Variants in PARD3B observed in about 807,000 individuals in gnomAD.
PARD3B encodes partitioning defective 3 homolog B.
Under a neutral mutation model 130.2 loss-of-function variants are expected in PARD3B, and 103 were observed. The ratio of observed to expected loss-of-function variants is 0.79; its 90% CI spans 0.67 to 0.93. PARD3B has a LOEUF of 0.93. Ranked by LOEUF, PARD3B falls within the 40% of genes least tolerant of loss-of-function variation. The pLI, the probability that PARD3B is intolerant of heterozygous loss-of-function variation, is 0.00. For missense variants in PARD3B, 1,609 were observed against 1,499.2 expected (o/e 1.07, Z -1.21); for synonymous variants, 583 against 553.2 (o/e 1.05, Z -0.76).
intron 18 of PARD3B, among the ~76,000 whole-genome samples, chr2:205,373,392 T>G (rs1268514680): frequency 6.6e-6 from 1 of 152,168 alleles, no homozygotes; most frequent in African/African-American, 2.4e-5. Context: ...AAGATATGTC[T>G]ATTAGAATTT....
At chr2:205,455,651 ATAGT>A (rs1031354896) in intron 20 of PARD3B, among the ~76,000 whole-genome samples, 174 of 152,032 alleles carry the variant, frequency 1.1e-3, no homozygotes, top group African/African-American at 4.0e-3. Flanking sequence ...ATAGTTATAT[ATAGT>A]TATATAGTTA....
At chr2:204,648,636 T>C (rs1293833318) in intron 1 of PARD3B, among the ~76,000 whole-genome samples, 4 of 118,560 alleles carry the variant, frequency 3.4e-5, no homozygotes, top group Non-Finnish European at 6.6e-5. Context: ...TTATATATAA[T>C]ATATATTATA....
intron 16 of PARD3B, among the ~76,000 whole-genome samples, chr2:205,266,955 C>T (rs751205035): frequency 3.9e-5 from 6 of 151,966 alleles, no homozygotes; most frequent in Non-Finnish European, 7.4e-5. Context: ...TCAACAAAAA[C>T]GATCTCATCC....
intron 18 of PARD3B, among the ~76,000 whole-genome samples, chr2:205,312,789 G>A (rs753743695): frequency 2.0e-5 from 3 of 152,052 alleles, no homozygotes; most frequent in Admixed American, 6.5e-5. Flanking sequence ...TTTTTCATTC[G>A]GGTTGGAAAG....
At chr2:205,435,237 T>C (rs1316145162) in intron 19 of PARD3B, among the ~76,000 whole-genome samples, 1 of 152,078 alleles carries the variant, frequency 6.6e-6, no homozygotes, top group African/African-American at 2.4e-5. Flanking sequence ...TAAATATTTA[T>C]ATGTGTAGTA....
At chr2:205,182,962 G>A (rs144434322) in intron 13 of PARD3B, among the ~76,000 whole-genome samples, 3 of 152,246 alleles carry the variant, frequency 2.0e-5, no homozygotes, top group African/African-American at 7.2e-5. Context: ...ACTAGTCTAG[G>A]GACAAAGAGG....
intron 18 of PARD3B, among the ~76,000 whole-genome samples, chr2:205,305,553 A>G (rs536787511): frequency 6.6e-6 from 1 of 152,350 alleles, no homozygotes; most frequent in Middle Eastern, 3.4e-3. Flanking sequence ...TGAGTTAACC[A>G]TCTTGATGAT....
chr2:205,209,892 A>G (rs999678193), intron 15 of PARD3B, among the ~76,000 whole-genome samples: 47 of 152,116 alleles, frequency 3.1e-4, no homozygotes, highest in African/African-American at 1.1e-3. Context: ...ACATTTTAAA[A>G]TAACTAAAGG....
intron 18 of PARD3B, among the ~76,000 whole-genome samples, chr2:205,332,140 T>A (rs544987691): frequency 6.6e-6 from 1 of 152,206 alleles, no homozygotes; most frequent in Admixed American, 6.5e-5. Context: ...TGTGTTGATA[T>A]CATTGTAATA....
chr2:205,285,013 G>T (rs2041341046), intron 16 of PARD3B, among the ~76,000 whole-genome samples: 1 of 149,992 alleles, frequency 6.7e-6, no homozygotes. Context: ...TTTTTTGTGG[G>T]AGTATTAGCA....
At chr2:204,950,734 G>C (rs181836843) in intron 2 of PARD3B, among the ~76,000 whole-genome samples, 497 of 152,300 alleles carry the variant, frequency 3.3e-3, no homozygotes, top group Non-Finnish European at 5.9e-3. Context: ...TATATTTTCA[G>C]TCAAGAAATA....
At chr2:204,648,585 TATA>T (rs1559028690) in intron 1 of PARD3B, among the ~76,000 whole-genome samples, 2 of 127,028 alleles carry the variant, frequency 1.6e-5, no homozygotes, top group African/African-American at 6.1e-5. Context: ...TATTATATAT[TATA>T]TTATATATAA....
intron 1 of PARD3B, among the ~76,000 whole-genome samples, chr2:204,569,397 T>C (rs2125066299): frequency 6.6e-6 from 1 of 152,344 alleles, no homozygotes; most frequent in Non-Finnish European, 1.5e-5. Flanking sequence ...AAATGTTTAA[T>C]ACTGTATGTA....
At chr2:205,348,568 T>A (rs1282221847) in intron 18 of PARD3B, among the ~76,000 whole-genome samples, 1 of 152,170 alleles carries the variant, frequency 6.6e-6, no homozygotes, top group Non-Finnish European at 1.5e-5. Context: ...GGCAGGTAGG[T>A]GATCAAAGAA....
chr2:205,441,245 T>C (rs1479630723), intron 20 of PARD3B, among the ~76,000 whole-genome samples: 1 of 152,062 alleles, frequency 6.6e-6, no homozygotes, highest in Non-Finnish European at 1.5e-5. Context: ...TAGAGAAAGA[T>C]AAGAGGTGAC....
At chr2:204,886,722 C>G (rs2046283299) in intron 2 of PARD3B, among the ~76,000 whole-genome samples, 1 of 152,194 alleles carries the variant, frequency 6.6e-6, no homozygotes, top group African/African-American at 2.4e-5. Context: ...TCAGTTCTAA[C>G]AGAGCCCCAT....
Position 205,158,739 on chromosome 2 carries a change from C to A in PARD3B, c.1452C>A (p.Cys484Ter). 1.2e-6 allele frequency: 2 copies of A among 1,613,726 alleles called. No homozygotes were observed. The highest frequency in any genetic ancestry group is 8.5e-7 in the Non-Finnish European group (1 of 1,179,806). ...CCTAACAGAAAGGAGAACCTGACTG[C>A]TGTGCACTCTCTCTGGAGACAAGCG... ...LPRELKGEPDCCALSLETSEQ... is the reference protein window; with the variant it reads ...LPRELKGEPD The change falls in exon 11 of 23, where the codon TGC (cysteine) becomes TGA (stop). Residue 484 changes from cysteine to a stop codon, truncating the protein, a stop_gained. Coordinates refer to ENST00000406610, the MANE Select transcript of PARD3B (RefSeq NM_001302769.2). LOFTEE classifies it high-confidence loss of function. This position sits in a 1 kb window ranked among gnomAD's most constrained non-coding sequence, Gnocchi z 5.4.
At chr2:204,976,396 A>G (rs962882623) in intron 3 of PARD3B, among the ~76,000 whole-genome samples, 2 of 152,098 alleles carry the variant, frequency 1.3e-5, no homozygotes, top group African/African-American at 2.4e-5. Flanking sequence ...AACAAGGGTA[A>G]TATTACCTAA....
chr2:205,114,222 T>C (rs1171405024), intron 6 of PARD3B, among the ~76,000 whole-genome samples: 1 of 152,132 alleles, frequency 6.6e-6, no homozygotes, highest in Non-Finnish European at 1.5e-5. Flanking sequence ...TTTACATCTA[T>C]CTAACTGGAT....
Sources: allele counts gnomAD v4.1 joint callset (sites outside exome capture counted in the v4.1 genomes callset), GRCh38; gene constraint gnomAD v4.1.1; non-coding constraint Gnocchi (gnomAD v3.1); transcripts MANE v1.5; gene names NCBI Gene and HGNC (gene_info 2026-07-23, HGNC 2026-07-21).